Variants in SLC4A11 observed in about 807,000 individuals in gnomAD.
The protein encoded by SLC4A11 is solute carrier family 4 member 11, also known as bicarbonate transporter related protein 1.
A neutral mutation model predicts 95.0 loss-of-function variants in SLC4A11; 74 were observed. That is an observed-to-expected ratio of 0.78 (90% CI 0.65 to 0.95). The LOEUF is 0.95. Ranked by LOEUF, SLC4A11 falls within the 40% of genes least tolerant of loss-of-function variation. The probability of loss-of-function intolerance (pLI) is 0.00; values close to 1 mark genes in which losing one functional copy is unlikely to be tolerated. For synonymous variants in SLC4A11, 548 were observed against 519.0 expected (o/e 1.06, Z -0.76); for missense variants, 1,081 against 1,192.4 (o/e 0.91, Z 1.38).
intron 2 of SLC4A11, among the ~76,000 whole-genome samples, 155 bp downstream of exon 2, chr20:3,237,389 G>C (rs118079713): frequency 6.6e-6 from 1 of 152,180 alleles, no homozygotes; most frequent in Admixed American, 6.5e-5. Context: ...CCCATGTCTA[G>C]CTTCCCGAAG....
intron 1 of SLC4A11, chr20:3,238,362 C>A: frequency 1.0e-6 from 1 of 985,426 alleles, no homozygotes; most frequent in Non-Finnish European, 1.2e-6. Context: ...CTCGGAGACC[C>A]CGGGGGTCGG....
At chr20:3,237,834 C>T in intron 1 of SLC4A11, 4 of 1,559,584 alleles carry the variant, frequency 2.6e-6, no homozygotes, top group African/African-American at 1.4e-5. Context: ...CCCAGGCGGG[C>T]CAGAGGCGAG....
Position 3,234,894 on chromosome 20 carries a change from C to T in SLC4A11, c.89G>A (p.Ser30Asn), listed in dbSNP as rs749897720. ...GTCATCTGTGTCACACTTGTAGTAGCCTAGAGACCCCCAAGAGCAAGAGGG... is the reference window on the plus strand; with the variant it reads ...GTCATCTGTGTCACACTTGTAGTAGTCTAGAGACCCCCAAGAGCAAGAGGG... The part of the protein sequence containing the change: ...MSQNGYFEDS[S>N]YYKCDTDDTF... The change falls in exon 3 of 20, where the codon AGC becomes AAC. Residue 30 changes from serine (S) to asparagine (N), a missense_variant and splice_region_variant. Physicochemically the swap from Ser to Asn is conservative, Grantham distance 46. Transcript: ENST00000642402. The surrounding 1 kb of genome is among the most constrained non-coding windows in gnomAD (Gnocchi z 5.8). The T allele has an allele frequency of 1.2e-6, 2 of 1,613,834 alleles. No individual in the cohort carries two copies. Among genetic ancestry groups the T allele is most frequent in the Middle Eastern group, 1.6e-4 (1 of 6,062 alleles).
At position 3,231,292 on chromosome 20, in the gene SLC4A11, G is replaced by A. The variant is rs776811231; in HGVS notation, c.948+38C>T. On this transcript the variant is annotated intron_variant, in intron 8 of 19. Transcript: ENST00000642402. The surrounding 1 kb of genome is among the most constrained non-coding windows in gnomAD (Gnocchi z 5.2). ...TTAGCCCTGTCCGGCCCATGCCCCC[G>A]CCGACCCTGCCGGCCCCCGCCGGCC... 50 of 1,613,134 alleles carry A rather than the reference G, an allele frequency of 3.1e-5. No individual in the cohort carries two copies. The highest frequency in any genetic ancestry group is 2.0e-4 in the East Asian group (9 of 44,872).
rs369588812 is a variant in SLC4A11, at chr20:3,234,062, G to A, written c.523+21C>T. On this transcript the variant is annotated intron_variant, in intron 5 of 19. Transcript: ENST00000642402. The surrounding 1 kb of genome is among the most constrained non-coding windows in gnomAD (Gnocchi z 5.8). ...ACAGCCCCTCCCAACGCCCCCGCCC[G>A]GGCCGGGAGACCGGCCTCACCTTTA... The A allele has an allele frequency of 8.3e-5, 134 of 1,613,562 alleles. No homozygotes were observed. Among genetic ancestry groups the A allele is most frequent in the South Asian group, 1.8e-4 (16 of 91,086 alleles).
chr20:3,237,483 C>T, intron 2 of SLC4A11, 61 bp downstream of exon 2: 4 of 1,555,698 alleles, frequency 2.6e-6, no homozygotes, highest in Non-Finnish European at 3.5e-6. Context: ...GGCTATGCAC[C>T]CTGGAGGCTT....
At chr20:3,236,206 C>T (rs1201849973) in intron 2 of SLC4A11, among the ~76,000 whole-genome samples, 1 of 152,162 alleles carries the variant, frequency 6.6e-6, no homozygotes, top group Non-Finnish European at 1.5e-5. Context: ...AGCCTGGGCC[C>T]CTTCTGGGTA....
Position 3,234,516 on chromosome 20 carries a change from C to T in SLC4A11, c.291+52G>A. 6.2e-7 allele frequency: 1 copy of T among 1,611,630 alleles called. No individual in the cohort carries two copies. The highest frequency in any genetic ancestry group is 1.7e-4 in the Middle Eastern group (1 of 5,860). On this transcript the variant is annotated intron_variant, in intron 4 of 19. Coordinates refer to ENST00000642402, the MANE Select transcript of SLC4A11 (RefSeq NM_001174089.2). The surrounding 1 kb of genome is among the most constrained non-coding windows in gnomAD (Gnocchi z 5.8). ...GGGAGGATTCTCAGGGAAGCCATCA[C>T]CTCAGCCCCCAGGTAGAGGCCCCAG...
chr20:3,238,237 G>A, intron 1 of SLC4A11: 1 of 1,366,218 alleles, frequency 7.3e-7, no homozygotes, highest in South Asian at 2.0e-5. Flanking sequence ...ATGGGTCGGG[G>A]GAGGCTGCGC....
intron 1 of SLC4A11, chr20:3,238,227 A>C: frequency 3.0e-6 from 4 of 1,321,340 alleles, no homozygotes; most frequent in East Asian, 3.1e-5. Flanking sequence ...TGAGGGACAC[A>C]TGGGTCGGGG....
chr20:3,228,513 TGCTCCTTGAGCAGCAGGGCCACGC>T lies in SLC4A11; in HGVS notation c.2363_2386del (p.Arg788_Glu795del), dbSNP rs1293577882. 1 of 1,613,026 alleles carries T rather than the reference TGCTCCTTGAGCAGCAGGGCCACGC, an allele frequency of 6.2e-7. No individual in the cohort carries two copies. Among genetic ancestry groups the T allele is most frequent in the Admixed American group, 1.7e-5 (1 of 60,000 alleles). On this transcript the variant is annotated inframe_deletion and splice_region_variant, in exon 18 of 20. Transcript: ENST00000642402. ...TCCCTCGCAGGGCCAAGCGCTCACCTGCTCCTTGAGCAGCAGGGCCACGCGCTGGACGAGCTGGTTGCCATCGAG... is the reference window on the plus strand; with the variant it reads ...TCCCTCGCAGGGCCAAGCGCTCACCTGCTGGACGAGCTGGTTGCCATCGAG...
chr20:3,229,568 C>T lies in SLC4A11; in HGVS notation c.1698G>A (p.Leu566=). ...GGGTGTAGCCCAGCCAGAGCGTGCC[C>T]AGCATGATGAGGAGGCTGAGCACGG... ...ATAVLSLLIM[L]GTLWLGYTLY... The change falls in exon 14 of 20, where the codon CTG becomes CTA. Residue 566 remains leucine, a synonymous_variant. Transcript: ENST00000642402. The T allele has an allele frequency of 6.2e-7, 1 of 1,612,952 alleles. No individual in the cohort carries two copies. Among genetic ancestry groups the T allele is most frequent in the Non-Finnish European group, 8.5e-7 (1 of 1,179,932 alleles).
At chr20:3,235,279 C>T (rs2067933232) in intron 2 of SLC4A11, among the ~76,000 whole-genome samples, 1 of 138,994 alleles carries the variant, frequency 7.2e-6, no homozygotes, top group African/African-American at 2.9e-5. Context: ...GCAGTATCCA[C>T]GTCTCTCTCT....
At chr20:3,239,037 A>C in intron 1 of SLC4A11, 58 bp downstream of exon 1, 2 of 1,454,822 alleles carry the variant, frequency 1.4e-6, no homozygotes, top group Middle Eastern at 1.9e-4. Flanking sequence ...CCCCGACGGG[A>C]GACGGTGGCG....
chr20:3,237,866 G>A (rs752835493), intron 1 of SLC4A11: 51 of 1,551,400 alleles, frequency 3.3e-5, no homozygotes, highest in Non-Finnish European at 4.3e-5. Context: ...TTCCAGGGAT[G>A]TCTTCCCACC....
intron 7 of SLC4A11, 72 bp downstream of exon 7, chr20:3,233,442 A>G: frequency 6.2e-7 from 1 of 1,603,608 alleles, no homozygotes; most frequent in Non-Finnish European, 8.5e-7. Context: ...GACATGTGGG[A>G]GGGGACCCCA....
intron 7 of SLC4A11, among the ~76,000 whole-genome samples, chr20:3,233,282 G>C (rs1290358130): frequency 6.6e-6 from 1 of 152,122 alleles, no homozygotes; most frequent in Admixed American, 6.5e-5. Context: ...TAGGGATAGT[G>C]GTCAAAAGCG....
chr20:3,237,910 G>A lies in SLC4A11; in HGVS notation c.44-322C>T, dbSNP rs769329539. ...ACCAGTACCATGTTCGCTAATCCAG[G>A]TTTTCCTGAGAAAACCCTGCCCCGC... On this transcript the variant is annotated intron_variant, in intron 1 of 19. Transcript: ENST00000642402. 34 of 1,550,506 alleles carry A rather than the reference G, an allele frequency of 2.2e-5. No homozygotes were observed. In the South Asian group the frequency reaches 3.8e-4, roughly 17 times the overall value.
chr20:3,235,543 G>A (rs1393409214), intron 2 of SLC4A11, among the ~76,000 whole-genome samples: 2 of 151,996 alleles, frequency 1.3e-5, no homozygotes, highest in Non-Finnish European at 2.9e-5. Context: ...CCCCCATCGT[G>A]CTCCTCTTCA....
Sources: gnomAD v4.1 joint callset for allele counts (sites outside exome capture counted in the v4.1 genomes callset) on GRCh38, gnomAD v4.1.1 for gene constraint, Gnocchi (gnomAD v3.1) non-coding constraint, MANE v1.5 for transcripts, NCBI Gene and HGNC (gene_info 2026-07-23, HGNC 2026-07-21) for gene names.